HCFC1: variants seen among roughly 807,000 people sequenced by gnomAD.
HCFC1 encodes host cell factor 1.
In HCFC1, 7 loss-of-function variants were observed where a neutral mutation model predicts 105.5. That is an observed-to-expected ratio of 0.07 (90% CI 0.04 to 0.12). The LOEUF (loss-of-function observed/expected upper bound fraction) is 0.12. HCFC1 is among the 10% of genes least tolerant of loss of function. The probability of loss-of-function intolerance (pLI) is 1.00; values close to 1 mark genes in which losing one functional copy is unlikely to be tolerated. For synonymous variants in HCFC1, 918 were observed against 828.1 expected, an observed-to-expected ratio of 1.11 and a Z score of -1.86; for missense variants, 1,065 against 1,823.6, an observed-to-expected ratio of 0.58 and a Z score of 7.58.
rs782206606 is a variant in HCFC1 at position 153,952,761 on chromosome X, C to T, written c.4695G>A (p.Ala1565=). Reference sequence around the variant, plus strand: ...GCTGGACCACCACAGTGGCCACCACCGCAGAGCCGGCAGACTCCTGGCCCG... The same window carrying T: ...GCTGGACCACCACAGTGGCCACCACTGCAGAGCCGGCAGACTCCTGGCCCG... The part of the protein sequence containing the change: ...PSSGQESAGS[A]VVATVVVQPP... The change falls in exon 19 of 26, where the codon GCG becomes GCA. Residue 1565 remains alanine, a synonymous_variant. Coordinates refer to ENST00000310441, the MANE Select transcript of HCFC1 (RefSeq NM_005334.3). 6 of 1,207,926 alleles carry T rather than the reference C, an allele frequency of 5.0e-6. No individual in the cohort carries two copies. The highest frequency in any genetic ancestry group is 4.4e-5 in the Admixed American group (2 of 45,947).
In HCFC1 at chrX:153,954,164, G is replaced by A; in HGVS notation, c.4235C>T (p.Pro1412Leu). Reference protein sequence around the residue: ...QAGTALLAPFPTQRVCSNPPC... With the variant: ...QAGTALLAPFLTQRVCSNPPC... ...GGGGTTGGAGCACACCCTCTGTGTT[G>A]GGAAAGGAGCCAGCAGCGCGGTGCC... The change falls in exon 17 of 26, where the codon CCA (proline) becomes CTA (leucine). Residue 1412 changes from proline to leucine, a missense_variant. Transcript: ENST00000310441. 8 of 1,194,323 alleles carry A rather than the reference G, an allele frequency of 6.7e-6. No individual in the cohort carries two copies. In the South Asian group the frequency reaches 8.9e-5, roughly 13 times the overall value.
chrX:153,970,902 T>C lies in HCFC1; in HGVS notation c.-62A>G. The C allele has an allele frequency of 1.1e-6, 1 of 946,644 alleles. No individual in the cohort carries two copies. The highest frequency in any genetic ancestry group is 1.4e-6 in the Non-Finnish European group (1 of 700,706). The allele number at this position is 946,644 out of a possible 1,213,427, so 78.0% of individuals were successfully genotyped here. On this transcript the variant is annotated 5_prime_UTR_variant, in exon 1 of 26. Transcript: ENST00000310441. The stretch of plus-strand genomic sequence containing the variant: ...AGCGGGAAGGGAGCCCCTCAATTCC[T>C]TTCACACACCCCCTTTCGTCTAAGG...
Position 153,957,877 on chromosome X carries a change from G to A in HCFC1, c.2038C>T (p.Leu680=). The A allele has an allele frequency of 8.3e-7, 1 of 1,207,208 alleles. No individual in the cohort carries two copies. The highest frequency in any genetic ancestry group is 1.1e-6 in the Non-Finnish European group (1 of 891,190). Residue 680 remains leucine (L), a synonymous_variant, in exon 12 of 26, where the codon CTG becomes TTG. Coordinates refer to ENST00000310441, the MANE Select transcript of HCFC1 (RefSeq NM_005334.3). The part of the protein sequence containing the change: ...VPGGSALISN[L]GKVMSVVQTK... ...TGGACCACCGACATCACTTTGCCCA[G>A]ATTGGAAATCTAAAAAGGAAGGGAT...
rs2065316764 is a variant in HCFC1, at chrX:153,951,931, T to C, written c.5170A>G (p.Asn1724Asp). ...CAATTGCTCTCAATGGCTGGGTCGT[T>C]GAGACTGTCGGCAGGGGCCAGGGCC... is the stretch of plus-strand genomic sequence containing the variant. ...TEALAPADSL[N>D]DPAIESNCLN... Residue 1724 changes from asparagine to aspartate, a missense_variant, in exon 20 of 26, where the codon AAC becomes GAC. Around this residue, in one of 17 missense-constraint regions of HCFC1, gnomAD observed 115 missense variants for 143.7 expected, o/e 0.80. Transcript: ENST00000310441. The C allele has an allele frequency of 8.4e-7, 1 of 1,187,938 alleles. No individual in the cohort carries two copies. The highest frequency in any genetic ancestry group is 1.7e-5 in the African/African-American group (1 of 57,561).
intron 1 of HCFC1, among the ~76,000 whole-genome samples, chrX:153,968,000 C>G (rs1336216622): frequency 6.3e-5 from 7 of 111,666 alleles, no homozygotes; most frequent in African/African-American, 2.3e-4. Context: ...CCGCCACCAG[C>G]TGGGAGGGCG....
intron 16 of HCFC1, 63 bp downstream of exon 16, chrX:153,956,128 G>A: frequency 9.7e-7 from 1 of 1,029,900 alleles, no homozygotes; most frequent in Non-Finnish European, 1.4e-6. Context: ...GACGGCGTGA[G>A]CCTCACGTGC....
intron 23 of HCFC1, 128 bp downstream of exon 23, chrX:153,950,685 C>A: frequency 4.6e-6 from 4 of 864,250 alleles, no homozygotes; most frequent in Non-Finnish European, 6.6e-6. Context: ...GATCTTCCCC[C>A]AAGTGGAAGG....
At chrX:153,958,280 G>A (rs782499197) in intron 10 of HCFC1, 31 bp from the exon 11 acceptor site, 1 of 1,125,082 alleles carries the variant, frequency 8.9e-7, no homozygotes. Flanking sequence ...TGACAGGCCA[G>A]GCAAAGAAAG....
rs1005972420 is a variant in HCFC1 at position 153,953,186 on chromosome X, G to A, written c.4498-228C>T. 26 of 444,550 alleles carry A rather than the reference G, an allele frequency of 5.8e-5. No homozygotes were observed. In the East Asian group the frequency reaches 9.6e-4, roughly 16 times the overall value. The allele number at this position is 444,550 out of a possible 1,213,427, so 36.6% of individuals were successfully genotyped here. On this transcript the variant is annotated intron_variant, in intron 18 of 25. Coordinates refer to ENST00000310441, the MANE Select transcript of HCFC1 (RefSeq NM_005334.3). ...AAGCCAGCCCTCACCTTTCCTTGTG[G>A]GCCTAAGTTTTCATTCTTGATGGGC...
intron 1 of HCFC1, among the ~76,000 whole-genome samples, chrX:153,967,784 T>G (rs2065486262): frequency 9.0e-6 from 1 of 111,507 alleles, no homozygotes; most frequent in South Asian, 3.7e-4. Flanking sequence ...CAAATGAAAC[T>G]AGCAGGGCCA....
At chrX:153,954,021 G>C in intron 17 of HCFC1, 45 bp downstream of exon 17, 1 of 1,154,893 alleles carries the variant, frequency 8.7e-7, no homozygotes, top group South Asian at 2.0e-5. Flanking sequence ...TTTCAGCCTG[G>C]GGGGCTGGGA....
Position 153,963,214 on chromosome X carries a change from A to G in HCFC1, c.712+11T>C. 3 of 1,190,241 alleles carry G rather than the reference A, an allele frequency of 2.5e-6. No homozygotes were observed. The highest frequency in any genetic ancestry group is 3.4e-6 in the Non-Finnish European group (3 of 879,139). On this transcript the variant is annotated intron_variant, in intron 4 of 25. Transcript: ENST00000310441. ...GTCCCATGGCTGCTGGGGTGCTACC[A>G]CCCTGCTCACCAATATCTAGGGTCC...
At chrX:153,953,578 G>A (rs782444512) in intron 18 of HCFC1, 29 bp downstream of exon 18, 51 of 1,194,341 alleles carry the variant, frequency 4.3e-5, no homozygotes, top group Non-Finnish European at 2.3e-6. Flanking sequence ...CGGGAAGGCG[G>A]GGAAGAACAC....
At chrX:153,961,787 C>T (rs372070895) in intron 5 of HCFC1, 139 bp from the exon 6 acceptor site, 8 of 482,064 alleles carry the variant, frequency 1.7e-5, no homozygotes, top group South Asian at 6.2e-5. Context: ...AGCCTCCTGA[C>T]GTGGCCCTCT....
intron 19 of HCFC1, 136 bp downstream of exon 19, chrX:153,952,378 T>C (rs2065321868): frequency 9.1e-6 from 8 of 878,287 alleles, no homozygotes; most frequent in Non-Finnish European, 1.1e-5. Flanking sequence ...CTGCCTGGGG[T>C]CCCCTGTGCT....
intron 9 of HCFC1, 34 bp from the exon 10 acceptor site, chrX:153,958,800 C>A: frequency 9.4e-7 from 1 of 1,063,675 alleles, no homozygotes; most frequent in South Asian, 2.3e-5. Context: ...GGCCAGGTCA[C>A]AGGTGCCACC....
chrX:153,949,203 G>A lies in HCFC1; in HGVS notation c.*144C>T, dbSNP rs2065285511. The A allele has an allele frequency of 6.3e-6, 3 of 476,202 alleles. No homozygotes were observed. The highest frequency in any genetic ancestry group is 2.5e-5 in the African/African-American group (1 of 39,384). The allele number at this position is 476,202 out of a possible 1,213,427, so 39.2% of individuals were successfully genotyped here. Reference sequence around the variant, plus strand: ...TTCTTTAGATTATTTTAAAAACAGAGAGAAAGAGAAAGGGGAGAGGAGTGA... The same window carrying A: ...TTCTTTAGATTATTTTAAAAACAGAAAGAAAGAGAAAGGGGAGAGGAGTGA... On this transcript the variant is annotated 3_prime_UTR_variant, in exon 26 of 26. Coordinates refer to ENST00000310441, the MANE Select transcript of HCFC1 (RefSeq NM_005334.3).
chrX:153,951,110 G>A, intron 22 of HCFC1, 112 bp from the exon 23 acceptor site: 1 of 804,819 alleles, frequency 1.2e-6, no homozygotes, highest in South Asian at 2.4e-5. Flanking sequence ...GAGGTCAGCG[G>A]TGGCTGGCCC....
At chrX:153,961,701 A>G (rs1478090847) in intron 5 of HCFC1, 53 bp from the exon 6 acceptor site, 1 of 896,049 alleles carries the variant, frequency 1.1e-6, no homozygotes. Context: ...GTGCCAAGCT[A>G]GAGGCCACCT....
Sources: allele counts gnomAD v4.1 joint callset (sites outside exome capture counted in the v4.1 genomes callset), GRCh38; gene constraint gnomAD v4.1.1; regional missense constraint gnomAD v4.1.1; transcripts MANE v1.5; gene names NCBI Gene and HGNC (gene_info 2026-07-23, HGNC 2026-07-21).